The following ARL9 variants were observed in gnomAD, a reference collection of about 807,000 sequenced individuals.
ARL9 encodes ADP-ribosylation factor-like protein 9.
In ARL9, 14 loss-of-function variants were observed where a neutral mutation model predicts 27.0. The observed-to-expected ratio is 0.52, with a 90% CI of 0.34 to 0.81. The LOEUF (loss-of-function observed/expected upper bound fraction) is 0.81. ARL9 is among the 30% of genes least tolerant of loss of function. The pLI is 0.01. For synonymous variants in ARL9, 106 were observed against 108.7 expected, an observed-to-expected ratio of 0.98 and a Z score of 0.15; for missense variants, 294 against 290.0, an observed-to-expected ratio of 1.01 and a Z score of -0.10.
intron 2 of ARL9, among the ~76,000 whole-genome samples, chr4:56,515,978 A>G (rs983479088): frequency 6.6e-6 from 1 of 152,210 alleles, no homozygotes; most frequent in Admixed American, 6.5e-5. Context: ...GCAAAGGGGT[A>G]AAGAAAGCCA....
intron 2 of ARL9, among the ~76,000 whole-genome samples, chr4:56,515,805 CTAAA>C (rs1325439477): frequency 1.3e-5 from 2 of 149,872 alleles, no homozygotes; most frequent in Non-Finnish European, 1.5e-5. Flanking sequence ...ATCAAAAGAC[CTAAA>C]TAGAGACATA....
intron 3 of ARL9, among the ~76,000 whole-genome samples, chr4:56,522,192 G>A (rs183453043): frequency 7.2e-5 from 11 of 152,142 alleles, no homozygotes; most frequent in Admixed American, 1.3e-4. Flanking sequence ...AGGCCAAGGC[G>A]GGCGGAACAC....
In ARL9 at chr4:56,505,991, G is replaced by T; in HGVS notation, c.129G>T (p.Glu43Asp). Residue 43 changes from glutamate to aspartate, a missense_variant, in exon 1 of 4, where the codon GAG (glutamate) becomes GAT (aspartate). Transcript: ENST00000640821. ...AGCAGAAAATTAAACAAAAGCAAGA[G>T]AAGCAGGAGAGGAGAAAGGGAAAAG... is the stretch of plus-strand genomic sequence containing the variant. ...EVEQKIKQKQEKQERRKGKEK... is the reference protein window; with the variant it reads ...EVEQKIKQKQDKQERRKGKEK... 8.3e-7 allele frequency: 1 copy of T among 1,205,348 alleles called. No individual in the cohort carries two copies. Among genetic ancestry groups the T allele is most frequent in the Non-Finnish European group, 1.0e-6 (1 of 961,936 alleles). 74.7% of individuals were successfully genotyped at this position (1,205,348 alleles called of 1,614,324 possible).
At chr4:56,515,873 A>G (rs1461896338) in intron 2 of ARL9, among the ~76,000 whole-genome samples, 1 of 152,176 alleles carries the variant, frequency 6.6e-6, no homozygotes, top group Admixed American at 6.6e-5. Context: ...ATTCTCCCCA[A>G]ATTGACGTTT....
rs984666390 is a variant in ARL9 at position 56,524,002 on chromosome 4, T to G, written c.*126T>G. ...TTTCCTATTTTCTCAGTGCATGGGA[T>G]GTATATAGTTAGCCCTCCATATCCA... is the stretch of plus-strand genomic sequence containing the variant. On this transcript the variant is annotated 3_prime_UTR_variant, in exon 4 of 4. Transcript: ENST00000640821. The G allele has an allele frequency of 1.2e-6, 1 of 835,334 alleles. No homozygotes were observed. Among genetic ancestry groups the G allele is most frequent in the African/African-American group, 1.7e-5 (1 of 58,264 alleles). 51.7% of individuals were successfully genotyped at this position (835,334 alleles called of 1,614,324 possible).
At position 56,524,022 on chromosome 4, in the gene ARL9, T is replaced by C. The variant is rs1364900425; in HGVS notation, c.*146T>C. 1.6e-6 allele frequency: 1 copy of C among 617,806 alleles called. No homozygotes were observed. Among genetic ancestry groups the C allele is most frequent in the Non-Finnish European group, 2.5e-6 (1 of 403,060 alleles). The allele number at this position is 617,806 out of a possible 1,614,324, so 38.3% of individuals were successfully genotyped here. ...TGGGATGTATATAGTTAGCCCTCCA[T>C]ATCCATGGGTTCCACATCTGGGGAT... On this transcript the variant is annotated 3_prime_UTR_variant, in exon 4 of 4. Coordinates refer to ENST00000640821, the MANE Select transcript of ARL9 (RefSeq NM_001363794.2).
At chr4:56,513,947 A>AC (rs1721706877) in intron 2 of ARL9, among the ~76,000 whole-genome samples, 1 of 152,148 alleles carries the variant, frequency 6.6e-6, no homozygotes, top group Non-Finnish European at 1.5e-5. Context: ...GGGCAGGTGG[A>AC]TTACTTGAGT....
chr4:56,506,731 C>T (rs1721472112), intron 1 of ARL9: 4 of 962,448 alleles, frequency 4.2e-6, no homozygotes, highest in Non-Finnish European at 4.9e-6. Context: ...CCTGAGCTGG[C>T]TCCTTGGCTT....
intron 1 of ARL9, among the ~76,000 whole-genome samples, chr4:56,510,145 G>A (rs1447742616): frequency 1.3e-5 from 2 of 151,898 alleles, no homozygotes; most frequent in Middle Eastern, 3.4e-3. Flanking sequence ...AGATCACGAG[G>A]TCAGGAGTTC....
At chr4:56,517,061 A>C (rs1721785712) in intron 2 of ARL9, among the ~76,000 whole-genome samples, 1 of 152,254 alleles carries the variant, frequency 6.6e-6, no homozygotes, top group African/African-American at 2.4e-5. Context: ...CATTAGTTAC[A>C]TGCTTAGATA....
At chr4:56,517,366 A>C (rs1721793815) in intron 2 of ARL9, among the ~76,000 whole-genome samples, 1 of 152,200 alleles carries the variant, frequency 6.6e-6, no homozygotes, top group South Asian at 2.1e-4. Context: ...AGGTCCAAAA[A>C]GTTTTTCTGT....
Position 56,523,956 on chromosome 4 carries a change from C to G in ARL9, c.*80C>G. 1 of 1,365,248 alleles carries G rather than the reference C, an allele frequency of 7.3e-7. No individual in the cohort carries two copies. Among genetic ancestry groups the G allele is most frequent in the South Asian group, 1.5e-5 (1 of 67,846 alleles). The allele number at this position is 1,365,248 out of a possible 1,614,324, so 84.6% of individuals were successfully genotyped here. On this transcript the variant is annotated 3_prime_UTR_variant, in exon 4 of 4. Coordinates refer to ENST00000640821, the MANE Select transcript of ARL9 (RefSeq NM_001363794.2). ...GCAGGCTTGAAGCCAAAGGTTTCCA[C>G]CTCAAATAAAAATTAAGCCATTTCC...
At chr4:56,513,775 G>A (rs1721701829) in intron 2 of ARL9, among the ~76,000 whole-genome samples, 1 of 152,112 alleles carries the variant, frequency 6.6e-6, no homozygotes, top group African/African-American at 2.4e-5. Context: ...CATGACACGA[G>A]GGCCCCTGGA....
chr4:56,506,680 A>G (rs1355289660), intron 1 of ARL9: 2 of 985,246 alleles, frequency 2.0e-6, no homozygotes, highest in Non-Finnish European at 2.4e-6. Context: ...GAAACTTGGC[A>G]TTATTTGGGT....
At chr4:56,505,317 A>G, upstream of ARL9, 1 of 447,454 alleles carries the variant, frequency 2.2e-6, no homozygotes, top group Non-Finnish European at 4.5e-6. Context: ...AATACATGAC[A>G]TGAGCAGTAC....
intron 3 of ARL9, among the ~76,000 whole-genome samples, chr4:56,520,568 G>A (rs1461445953): frequency 6.6e-6 from 1 of 152,118 alleles, no homozygotes; most frequent in East Asian, 1.9e-4. Context: ...AAAAAGTTTT[G>A]GAGATGGATG....
chr4:56,510,807 C>T (rs1158309206), intron 1 of ARL9, among the ~76,000 whole-genome samples: 4 of 147,666 alleles, frequency 2.7e-5, no homozygotes, highest in Non-Finnish European at 4.5e-5. Context: ...GGGTCTCACT[C>T]TGTTCCCCAG....
intron 1 of ARL9, among the ~76,000 whole-genome samples, chr4:56,507,229 A>G (rs113276414): frequency 0.011 from 1,661 of 152,200 alleles, 27 homozygotes; most frequent in African/African-American, 0.038. Flanking sequence ...TCCTTAGGAG[A>G]AGGTAAATGT....
chr4:56,521,569 G>C (rs1439155517), intron 3 of ARL9, among the ~76,000 whole-genome samples: 1 of 152,176 alleles, frequency 6.6e-6, no homozygotes, highest in Admixed American at 6.5e-5. Context: ...CAAAGATGTT[G>C]CACAAATTTA....
Sources: allele counts gnomAD v4.1 joint callset (sites outside exome capture counted in the v4.1 genomes callset), GRCh38; gene constraint gnomAD v4.1.1; transcripts MANE v1.5; gene names NCBI Gene and HGNC (gene_info 2026-07-23, HGNC 2026-07-21).